The following C11orf16 variants were observed in gnomAD, a reference collection of about 807,000 sequenced individuals.
The protein encoded by C11orf16 is uncharacterized protein C11orf16.
Under a neutral mutation model 45.1 loss-of-function variants are expected in C11orf16, and 38 were observed. The ratio of observed to expected loss-of-function variants is 0.84; its 90% confidence interval spans 0.65 to 1.10. The LOEUF is 1.10. Among genes scored for constraint, C11orf16 ranks in the 50% least tolerant of loss-of-function variants. C11orf16 has a pLI of 0.00. For missense variants in C11orf16, 583 were observed against 569.5 expected (o/e 1.02, Z -0.24); for synonymous variants, 221 against 222.0 (o/e 1.00, Z 0.04).
At chr11:8,932,658 G>C (rs745504534) in intron 1 of C11orf16, among the ~76,000 whole-genome samples, 91 of 152,156 alleles carry the variant, frequency 6.0e-4, no homozygotes, top group Non-Finnish European at 1.8e-4. Flanking sequence ...AAAGCACCTG[G>C]CGTATTCAGC....
rs757757262 is a variant in C11orf16 at position 8,925,880 on chromosome 11, A to G, written c.787T>C (p.Phe263Leu). ...TGATGGTGGCAGAGAGGGCACAGGAATGGAGCATCCGGAGGAAGCTCATTA... is the reference window on the plus strand; with the variant it reads ...TGATGGTGGCAGAGAGGGCACAGGAGTGGAGCATCCGGAGGAAGCTCATTA... ...ITNELPPDAP[F>L]LCPLCHHHAC... Residue 263 changes from phenylalanine (F) to leucine (L), a missense_variant, in exon 5 of 7, where the codon TTC becomes CTC. Physicochemically the swap from Phe to Leu is conservative, Grantham distance 22. Coordinates refer to ENST00000326053, the MANE Select transcript of C11orf16 (RefSeq NM_020643.3). The G allele has an allele frequency of 6.2e-7, 1 of 1,614,210 alleles. No individual in the cohort carries two copies. The highest frequency in any genetic ancestry group is 1.1e-5 in the South Asian group (1 of 91,088).
chr11:8,925,806 T>TGGCG lies in C11orf16; in HGVS notation c.857_860dup (p.Cys288AlafsTer36), dbSNP rs2064606498. ...TTAGAGGCCACCAAGTCGTGCCACA[T>TGGCG]GGCGGGCAGCCACAGAGGCAGCCCT... On this transcript the variant is annotated frameshift_variant, in exon 5 of 7. Coordinates refer to ENST00000326053, the MANE Select transcript of C11orf16 (RefSeq NM_020643.3). LOFTEE classifies it high-confidence loss of function. 4 of 1,614,108 alleles carry TGGCG rather than the reference T, an allele frequency of 2.5e-6. No individual in the cohort carries two copies. Among genetic ancestry groups the TGGCG allele is most frequent in the Non-Finnish European group, 3.4e-6 (4 of 1,180,012 alleles).
At chr11:8,928,700 T>C (rs1213194588) in intron 3 of C11orf16, among the ~76,000 whole-genome samples, 1 of 152,088 alleles carries the variant, frequency 6.6e-6, no homozygotes, top group East Asian at 1.9e-4. Flanking sequence ...AGGGTCTCAC[T>C]GTGTTGCCCA....
At chr11:8,926,792 C>T in intron 4 of C11orf16, 148 bp downstream of exon 4, 1 of 610,688 alleles carries the variant, frequency 1.6e-6, no homozygotes, top group South Asian at 2.1e-5. Context: ...TTGCTGCCCT[C>T]AAGATTAAGC....
Position 8,926,065 on chromosome 11 carries a change from T to C in C11orf16, c.602A>G (p.Lys201Arg), listed in dbSNP as rs1222413160. The C allele has an allele frequency of 3.1e-6, 5 of 1,612,450 alleles. No homozygotes were observed. The highest frequency in any genetic ancestry group is 1.7e-5 in the Admixed American group (1 of 59,842). The change falls in exon 5 of 7, where the codon AAA becomes AGA. Residue 201 changes from lysine to arginine, a missense_variant. Lys to Arg is a conservative substitution (Grantham distance 26). Coordinates refer to ENST00000326053, the MANE Select transcript of C11orf16 (RefSeq NM_020643.3). Reference protein sequence around the residue: ...KEITVHFWNGKAAKVPLGGVQ... With the variant: ...KEITVHFWNGRAAKVPLGGVQ... ...CCCACCTAGGGGCACTTTAGCAGCTTTGCCATTCCAGAAATGAACAGTGAT... is the reference window on the plus strand; with the variant it reads ...CCCACCTAGGGGCACTTTAGCAGCTCTGCCATTCCAGAAATGAACAGTGAT...
chr11:8,930,543 G>A (rs193268264), intron 2 of C11orf16, among the ~76,000 whole-genome samples: 4 of 151,916 alleles, frequency 2.6e-5, no homozygotes, highest in Admixed American at 2.6e-4. Flanking sequence ...AAATTGTAAT[G>A]CCACTTGATG....
chr11:8,927,563 G>A (rs1007794913), intron 3 of C11orf16: 8 of 457,086 alleles, frequency 1.8e-5, no homozygotes, highest in South Asian at 6.2e-5. Context: ...CCCAAGAAGC[G>A]TCGCTCCTGT....
intron 5 of C11orf16, among the ~76,000 whole-genome samples, chr11:8,922,336 G>A (rs915232762): frequency 1.2e-4 from 18 of 152,010 alleles, no homozygotes; most frequent in Non-Finnish European, 2.1e-4. Context: ...TCGTGCCACT[G>A]CCCACCAGCC....
chr11:8,930,110 A>AC (rs1351715835), intron 2 of C11orf16, among the ~76,000 whole-genome samples: 1 of 148,274 alleles, frequency 6.7e-6, no homozygotes, highest in Non-Finnish European at 1.5e-5. Context: ...ACAAGGTGAG[A>AC]CCCCTATCAA....
chr11:8,925,809 CG>C lies in C11orf16; in HGVS notation c.857del (p.Pro286ArgfsTer10), dbSNP rs773046738. 1 of 1,614,106 alleles carries C rather than the reference CG, an allele frequency of 6.2e-7. No individual in the cohort carries two copies. Among genetic ancestry groups the C allele is most frequent in the Admixed American group, 1.7e-5 (1 of 60,034 alleles). ...GAGGCCACCAAGTCGTGCCACATGG[CG>C]GGCAGCCACAGAGGCAGCCCTGGCA... ...LLCQGCLCGC[P>X]PCGTTWWPLT... On this transcript the variant is annotated frameshift_variant, in exon 5 of 7. Transcript: ENST00000326053. LOFTEE classifies it high-confidence loss of function.
intron 2 of C11orf16, among the ~76,000 whole-genome samples, chr11:8,930,488 T>G (rs1343320789): frequency 6.7e-6 from 1 of 149,306 alleles, no homozygotes; most frequent in African/African-American, 2.5e-5. Flanking sequence ...CGTGTGGGAT[T>G]CCAGGATGAG....
chr11:8,928,432 G>A (rs146986616), intron 3 of C11orf16, among the ~76,000 whole-genome samples: 185 of 152,196 alleles, frequency 1.2e-3, no homozygotes, highest in African/African-American at 3.6e-3. Flanking sequence ...AACATATCTC[G>A]TTCCACCTTT....
At chr11:8,928,419 G>A (rs929629056) in intron 3 of C11orf16, among the ~76,000 whole-genome samples, 1 of 152,130 alleles carries the variant, frequency 6.6e-6, no homozygotes, top group African/African-American at 2.4e-5. Flanking sequence ...ATGCATGTGA[G>A]CAAACATATC....
intron 2 of C11orf16, 141 bp downstream of exon 2, chr11:8,932,001 G>T: frequency 1.1e-6 from 1 of 898,218 alleles, no homozygotes; most frequent in Non-Finnish European, 1.6e-6. Context: ...ACACAGATAT[G>T]CCAATCATAG....
In C11orf16 at chr11:8,925,599, G is replaced by A. The variant is rs2064604458; in HGVS notation, c.1068C>T (p.Pro356=). Residue 356 remains proline, a synonymous_variant, in exon 5 of 7, where the codon CCC becomes CCT. Transcript: ENST00000326053. ...CTGCACTGTTCACCATCAGTCTCTG[G>A]GGAGGGCCCATCTCCAGATCATTCT... ...GVENDLEMGP[P]QRLMVNSAVN... is the part of the protein sequence containing the mutation. The A allele has an allele frequency of 1.9e-6, 3 of 1,614,136 alleles. No homozygotes were observed. The highest frequency in any genetic ancestry group is 2.5e-6 in the Non-Finnish European group (3 of 1,180,046).
intron 2 of C11orf16, among the ~76,000 whole-genome samples, chr11:8,930,147 G>A (rs187387139): frequency 1.5e-4 from 23 of 148,908 alleles, no homozygotes; most frequent in African/African-American, 4.7e-4. Flanking sequence ...GAGTGCCAGG[G>A]GCCGGGAGCA....
At chr11:8,922,784 C>G (rs2064583999) in intron 5 of C11orf16, among the ~76,000 whole-genome samples, 1 of 152,188 alleles carries the variant, frequency 6.6e-6, no homozygotes, top group Non-Finnish European at 1.5e-5. Flanking sequence ...TTAAAAGATA[C>G]AAAACCTGGA....
Position 8,932,327 on chromosome 11 carries a change from C to T in C11orf16, c.-18-1G>A. The T allele has an allele frequency of 6.3e-7, 1 of 1,574,988 alleles. No individual in the cohort carries two copies. On this transcript the variant is annotated splice_acceptor_variant, in intron 1 of 6. Coordinates refer to ENST00000326053, the MANE Select transcript of C11orf16 (RefSeq NM_020643.3). LOFTEE classifies it low-confidence loss of function (5UTR_SPLICE). ...ATTCCATGGCCTTCAGAGGATCCAC[C>T]TGAGAATAGGCACCACCATTACCTG...
At chr11:8,931,215 T>G (rs2064647828) in intron 2 of C11orf16, among the ~76,000 whole-genome samples, 2 of 152,122 alleles carry the variant, frequency 1.3e-5, no homozygotes, top group Non-Finnish European at 2.9e-5. Context: ...GTCTCTTTTT[T>G]TTTTTTTTTG....
Sources: allele counts gnomAD v4.1 joint callset (sites outside exome capture counted in the v4.1 genomes callset), GRCh38; gene constraint gnomAD v4.1.1; transcripts MANE v1.5; gene names NCBI Gene and HGNC (gene_info 2026-07-23, HGNC 2026-07-21).